Variants in CSMD1 observed in about 807,000 individuals in gnomAD.
CSMD1 encodes the protein CUB and sushi domain-containing protein 1.
Under a neutral mutation model 417.5 loss-of-function variants are expected in CSMD1, and 213 were observed. The observed-to-expected ratio is 0.51, with a 90% CI of 0.46 to 0.57. The LOEUF is 0.57. CSMD1 is among the 20% of genes least tolerant of loss of function. CSMD1 has a pLI of 0.00. For missense variants in CSMD1, 6,923 were observed against 4,529.7 expected (o/e 1.53, Z -15.17); for synonymous variants, 2,862 against 1,736.8 (o/e 1.65, Z -16.11).
At chr8:4,654,870 C>T (rs1023790308) in intron 1 of CSMD1, among the ~76,000 whole-genome samples, 5 of 151,950 alleles carry the variant, frequency 3.3e-5, no homozygotes, top group African/African-American at 1.2e-4. Context: ...TGGAAAGGGG[C>T]AAAGGGTTGA....
intron 5 of CSMD1, among the ~76,000 whole-genome samples, chr8:3,978,601 G>C (rs929801986): frequency 3.9e-5 from 6 of 152,190 alleles, no homozygotes; most frequent in South Asian, 4.1e-4. Flanking sequence ...GGCATGTTGG[G>C]GGTAAATAAT....
chr8:3,762,518 ATCCT>A (rs1563352488), intron 5 of CSMD1, among the ~76,000 whole-genome samples: 1 of 152,182 alleles, frequency 6.6e-6, no homozygotes, highest in African/African-American at 2.4e-5. Context: ...GGATGTTTAT[ATCCT>A]CTGTGACTCA....
At chr8:4,763,858 G>A (rs371788776) in intron 1 of CSMD1, among the ~76,000 whole-genome samples, 1 of 152,104 alleles carries the variant, frequency 6.6e-6, no homozygotes, top group Non-Finnish European at 1.5e-5. Context: ...TTTCCTGAAC[G>A]GAAAGAAAAC....
chr8:3,482,728 C>A (rs931469231), intron 11 of CSMD1, among the ~76,000 whole-genome samples: 1 of 152,054 alleles, frequency 6.6e-6, no homozygotes, highest in Non-Finnish European at 1.5e-5. Flanking sequence ...ACACCCTGGG[C>A]CAGATAATAG....
intron 11 of CSMD1, among the ~76,000 whole-genome samples, chr8:3,470,227 G>C (rs1817008995): frequency 6.6e-6 from 1 of 152,002 alleles, no homozygotes; most frequent in Admixed American, 6.6e-5. Flanking sequence ...TGTTCAACAT[G>C]ATTTTGGTGA....
intron 49 of CSMD1, among the ~76,000 whole-genome samples, chr8:3,069,375 C>CAGTGCAA (rs1290378106): frequency 6.6e-6 from 1 of 151,050 alleles, no homozygotes; most frequent in African/African-American, 2.4e-5. Context: ...GTGGAGGTTG[C>CAGTGCAA]AGTGAGCCAA....
chr8:4,156,444 A>C (rs75511135), intron 3 of CSMD1, among the ~76,000 whole-genome samples: 1 of 152,166 alleles, frequency 6.6e-6, no homozygotes, highest in Non-Finnish European at 1.5e-5. Flanking sequence ...AAGGATAAAT[A>C]TGCTATTGGT....
At chr8:3,877,677 C>T (rs58171650) in intron 5 of CSMD1, among the ~76,000 whole-genome samples, 42,641 of 151,898 alleles carry the variant, frequency 0.28, 8,106 homozygotes, top group African/African-American at 0.55. Flanking sequence ...AGGGTCTGAG[C>T]ACATGGCTTG....
intron 49 of CSMD1, among the ~76,000 whole-genome samples, chr8:3,057,743 T>G (rs1812331924): frequency 6.6e-6 from 1 of 152,198 alleles, no homozygotes; most frequent in Non-Finnish European, 1.5e-5. Context: ...TGAATTCAGG[T>G]AGACTTTCTC....
intron 1 of CSMD1, among the ~76,000 whole-genome samples, chr8:4,885,012 A>C (rs1381180117): frequency 6.6e-6 from 1 of 152,066 alleles, no homozygotes; most frequent in Middle Eastern, 3.2e-3. Context: ...GGTCTTCTTT[A>C]ATTCTTTTAA....
intron 1 of CSMD1, among the ~76,000 whole-genome samples, chr8:4,741,622 G>C (rs554247775): frequency 3.8e-4 from 58 of 152,246 alleles, no homozygotes; most frequent in Admixed American, 3.6e-3. Flanking sequence ...AGGAACAGTA[G>C]GATGACAAGA....
chr8:4,895,084 G>C (rs1444332054), intron 1 of CSMD1, among the ~76,000 whole-genome samples: 1 of 152,096 alleles, frequency 6.6e-6, no homozygotes, highest in Non-Finnish European at 1.5e-5. Context: ...GAGTAAATAT[G>C]TTTCACTCTC....
intron 8 of CSMD1, among the ~76,000 whole-genome samples, chr8:3,591,478 T>C (rs1159781215): frequency 3.9e-5 from 6 of 152,176 alleles, no homozygotes; most frequent in Admixed American, 3.9e-4. Context: ...TAAACATTGG[T>C]ATCATAACTA....
At chr8:4,192,939 C>T (rs1000439661) in intron 3 of CSMD1, among the ~76,000 whole-genome samples, 1 of 152,142 alleles carries the variant, frequency 6.6e-6, no homozygotes. Flanking sequence ...ATTTTCTGTA[C>T]GTGGTGCTAC....
chr8:4,673,369 T>A (rs988557497), intron 1 of CSMD1, among the ~76,000 whole-genome samples: 2 of 152,180 alleles, frequency 1.3e-5, no homozygotes, highest in Non-Finnish European at 2.9e-5. Flanking sequence ...GGGTTTAGCA[T>A]GCTGTCTATA....
intron 3 of CSMD1, among the ~76,000 whole-genome samples, chr8:4,327,445 C>T (rs944294220): frequency 1.3e-5 from 2 of 152,138 alleles, no homozygotes; most frequent in African/African-American, 2.4e-5. Context: ...GGATTGTTTG[C>T]AGCCTCCAGG....
chr8:4,782,668 G>T (rs1043609302), intron 1 of CSMD1, among the ~76,000 whole-genome samples: 2 of 152,088 alleles, frequency 1.3e-5, no homozygotes, highest in Admixed American at 6.5e-5. Context: ...TAGCTCTACT[G>T]TGACTCATAC....
intron 2 of CSMD1, among the ~76,000 whole-genome samples, chr8:4,600,425 T>A (rs1301203920): frequency 1.3e-5 from 2 of 152,220 alleles, no homozygotes; most frequent in African/African-American, 4.8e-5. Flanking sequence ...ATATGTTCCT[T>A]ATTTCAGAAA....
At chr8:4,004,930 G>C (rs1460883541) in intron 4 of CSMD1, among the ~76,000 whole-genome samples, 3 of 152,044 alleles carry the variant, frequency 2.0e-5, no homozygotes, top group Non-Finnish European at 4.4e-5. Context: ...ATTTTTAGTA[G>C]AGACAGGGTT....
Sources: gnomAD v4.1 joint callset for allele counts (sites outside exome capture counted in the v4.1 genomes callset) on GRCh38, gnomAD v4.1.1 for gene constraint, MANE v1.5 for transcripts, NCBI Gene and HGNC (gene_info 2026-07-23, HGNC 2026-07-21) for gene names.